The following DACH2 variants were observed in gnomAD, a reference collection of about 807,000 sequenced individuals.
DACH2 encodes dachshund family transcription factor 2.
DACH2 carries 17 observed loss-of-function variants against 35.8 expected under a neutral mutation model. The ratio of observed to expected loss-of-function variants is 0.48; its 90% confidence interval spans 0.33 to 0.71. The LOEUF is 0.71. Ranked by LOEUF, DACH2 falls within the 30% of genes least tolerant of loss-of-function variation. DACH2 has a pLI of 0.02. For missense variants in DACH2, 469 were observed against 472.7 expected (o/e 0.99, Z 0.07); for synonymous variants, 195 against 177.3 (o/e 1.10, Z -0.79).
chrX:86,396,615 A>T (rs1423864669), intron 2 of DACH2, among the ~76,000 whole-genome samples: 4 of 109,023 alleles, frequency 3.7e-5, no homozygotes, highest in Admixed American at 2.9e-4. Context: ...ATGGCTAGCC[A>T]GTTTTCCCAG....
intron 4 of DACH2, among the ~76,000 whole-genome samples, chrX:86,655,627 G>C (rs189798238): frequency 9.4e-4 from 105 of 111,135 alleles, no homozygotes; most frequent in Admixed American, 1.4e-3. Context: ...GCTCCACAAT[G>C]TACAATATTC....
At chrX:86,552,748 A>G (rs187151293) in intron 3 of DACH2, among the ~76,000 whole-genome samples, 2 of 111,532 alleles carry the variant, frequency 1.8e-5, no homozygotes, top group Admixed American at 1.9e-4. Context: ...ATTTAATACA[A>G]TGGTTATTTT....
intron 3 of DACH2, among the ~76,000 whole-genome samples, chrX:86,607,487 C>T (rs2039873618): frequency 9.0e-6 from 1 of 111,436 alleles, no homozygotes; most frequent in African/African-American, 3.3e-5. Flanking sequence ...ACTAATAAAA[C>T]TCCACATCTT....
chrX:86,775,230 GT>G, intron 7 of DACH2, among the ~76,000 whole-genome samples: 1 of 111,325 alleles, frequency 9.0e-6, no homozygotes, highest in Admixed American at 9.6e-5. Flanking sequence ...AATATGTTGT[GT>G]TTAAATAGAG....
chrX:86,345,246 G>C (rs976835464), intron 1 of DACH2, among the ~76,000 whole-genome samples: 6 of 111,746 alleles, frequency 5.4e-5, no homozygotes, highest in African/African-American at 1.9e-4. Context: ...TCAGGAAATG[G>C]GAAGTATTTA....
intron 6 of DACH2, among the ~76,000 whole-genome samples, chrX:86,722,974 T>C (rs1008840915): frequency 7.2e-5 from 8 of 111,645 alleles, no homozygotes; most frequent in South Asian, 3.7e-4. Flanking sequence ...TGTTTGATGG[T>C]TATTTGTATT....
chrX:86,502,229 A>G (rs977773186), intron 2 of DACH2, among the ~76,000 whole-genome samples: 3 of 111,612 alleles, frequency 2.7e-5, no homozygotes, highest in Non-Finnish European at 3.8e-5. Context: ...TCACTTTACC[A>G]TGGTGCTGAC....
At chrX:86,502,011 T>TTTCTTCCTTCC (rs2038257017) in intron 2 of DACH2, among the ~76,000 whole-genome samples, 1 of 95,532 alleles carries the variant, frequency 1.0e-5, no homozygotes, top group Non-Finnish European at 2.1e-5. Context: ...TCTTTCCTTC[T>TTTCTTCCTTCC]TTCCTTCCTT....
chrX:86,375,483 C>A (rs1179474854), intron 1 of DACH2, among the ~76,000 whole-genome samples: 1 of 103,424 alleles, frequency 9.7e-6, no homozygotes, highest in Non-Finnish European at 2.0e-5. Flanking sequence ...AAGAGACGGA[C>A]CTTTGGTAAA....
intron 4 of DACH2, among the ~76,000 whole-genome samples, chrX:86,690,010 A>G (rs748164117): frequency 8.9e-6 from 1 of 111,853 alleles, no homozygotes; most frequent in South Asian, 3.7e-4. Flanking sequence ...TCAAACCTAC[A>G]GAAATTAAAG....
At chrX:86,293,972 C>T (rs1186725177) in intron 1 of DACH2, among the ~76,000 whole-genome samples, 1 of 111,538 alleles carries the variant, frequency 9.0e-6, no homozygotes, top group Non-Finnish European at 1.9e-5. Context: ...TGTTAGCCTG[C>T]CTTGCTGGAT....
chrX:86,180,160 G>T (rs2031431225), intron 1 of DACH2, among the ~76,000 whole-genome samples: 1 of 50,726 alleles, frequency 2.0e-5, no homozygotes, highest in Non-Finnish European at 4.1e-5. Flanking sequence ...ATGTCCCCTA[G>T]CAACCATGCT....
intron 2 of DACH2, among the ~76,000 whole-genome samples, chrX:86,438,894 C>G (rs776322288): frequency 8.9e-6 from 1 of 112,175 alleles, no homozygotes; most frequent in Non-Finnish European, 1.9e-5. Context: ...AATAGCCAGT[C>G]TGACTGTGTG....
At chrX:86,267,461 G>A (rs1412300230) in intron 1 of DACH2, among the ~76,000 whole-genome samples, 1 of 111,929 alleles carries the variant, frequency 8.9e-6, no homozygotes, top group African/African-American at 3.2e-5. Flanking sequence ...GATTTGTCCT[G>A]AACTTTTTCA....
intron 2 of DACH2, among the ~76,000 whole-genome samples, chrX:86,474,343 G>C (rs1343910587): frequency 9.0e-6 from 1 of 111,475 alleles, no homozygotes; most frequent in Non-Finnish European, 1.9e-5. Flanking sequence ...TTCCTTTGCT[G>C]TGCATAAGCA....
rs377363152 is a variant in DACH2, at chrX:86,689,961, C to G, written c.773-5060C>G. Among the ~76,000 whole-genome samples, 23 of 111,576 alleles carry G rather than the reference C, an allele frequency of 2.1e-4. 1 individual carries two copies. In the East Asian group the frequency reaches 6.2e-3, roughly 30 times the overall value. On this transcript the variant is annotated intron_variant, in intron 4 of 11. Coordinates refer to ENST00000373125, the MANE Select transcript of DACH2 (RefSeq NM_053281.3). ...GAGATCATTTTTATATTATGAAACTCTTGCATATGACTCACACAATTCTAG... is the reference window on the plus strand; with the variant it reads ...GAGATCATTTTTATATTATGAAACTGTTGCATATGACTCACACAATTCTAG...
chrX:86,650,352 A>G (rs1031600582), intron 3 of DACH2, among the ~76,000 whole-genome samples: 1 of 111,377 alleles, frequency 9.0e-6, no homozygotes. Context: ...AAAAAGGTAG[A>G]AAGAATACCT....
At chrX:86,774,225 G>A (rs1387018517) in intron 7 of DACH2, among the ~76,000 whole-genome samples, 1 of 112,046 alleles carries the variant, frequency 8.9e-6, no homozygotes, top group Non-Finnish European at 1.9e-5. Context: ...TAATTCCTAT[G>A]TAAACAGTAG....
rs1401248482 is a variant in DACH2, at chrX:86,832,134, A to T, written c.1779A>T (p.Ala593=). 4 of 1,196,837 alleles carry T rather than the reference A, an allele frequency of 3.3e-6. No homozygotes were observed. Among genetic ancestry groups the T allele is most frequent in the African/African-American group, 3.5e-5 (2 of 56,626 alleles). ...QGGNYYCLEM[A]QQLYSA ...GTAACTATTACTGTTTAGAAATGGC[A>T]CAACAGTTGTATTCAGCCTGAAAGG... Residue 593 remains alanine, a synonymous_variant, in exon 12 of 12, where the codon GCA becomes GCT. Coordinates refer to ENST00000373125, the MANE Select transcript of DACH2 (RefSeq NM_053281.3).
Sources: gnomAD v4.1 joint callset for allele counts (sites outside exome capture counted in the v4.1 genomes callset) on GRCh38, gnomAD v4.1.1 for gene constraint, MANE v1.5 for transcripts, NCBI Gene and HGNC (gene_info 2026-07-23, HGNC 2026-07-21) for gene names.